Variants in GLP2R observed in about 807,000 individuals in gnomAD.
GLP2R encodes glucagon like peptide 2 receptor.
GLP2R carries 59 observed loss-of-function variants against 68.2 expected under a neutral mutation model. The ratio of observed to expected loss-of-function variants is 0.87; its 90% CI spans 0.70 to 1.07. The LOEUF is 1.07. Among genes scored for constraint, GLP2R ranks in the 50% least tolerant of loss-of-function variants. GLP2R has a pLI of 0.00. For synonymous variants in GLP2R, 270 were observed against 265.4 expected (o/e 1.02, Z -0.17); for missense variants, 548 against 677.4 (o/e 0.81, Z 2.12).
intron 11 of GLP2R, among the ~76,000 whole-genome samples, chr17:9,885,207 G>A (rs181566145): frequency 7.5e-4 from 111 of 148,950 alleles, no homozygotes; most frequent in African/African-American, 2.4e-3. Context: ...TTATCATTTT[G>A]AGATGGAGTT....
At chr17:9,874,591 G>C (rs540662255) in intron 10 of GLP2R, among the ~76,000 whole-genome samples, 242 of 152,210 alleles carry the variant, frequency 1.6e-3, no homozygotes, top group Non-Finnish European at 2.9e-3. Flanking sequence ...CCACCACCTG[G>C]GTATAGTACA....
At chr17:9,865,727 C>G in intron 9 of GLP2R, 1 of 447,422 alleles carries the variant, frequency 2.2e-6, no homozygotes, top group Non-Finnish European at 4.6e-6. Context: ...CCCTCCACCC[C>G]CCTGCAATTA....
Position 9,880,706 on chromosome 17 carries a change from G to T in GLP2R, c.1284+190G>T, listed in dbSNP as rs537600047. ...AGTATTGCGTTGATCCTGCCAGCATGATTCAGTGACTAAGAAGGGGGAAAT... is the reference window on the plus strand; with the variant it reads ...AGTATTGCGTTGATCCTGCCAGCATTATTCAGTGACTAAGAAGGGGGAAAT... On this transcript the variant is annotated intron_variant, in intron 11 of 12. Coordinates refer to ENST00000262441, the MANE Select transcript of GLP2R (RefSeq NM_004246.3). Among the ~76,000 whole-genome samples, 63 of 152,338 alleles carry T rather than the reference G, an allele frequency of 4.1e-4. 1 individual carries two copies. The highest frequency in any genetic ancestry group is 1.4e-3 in the African/African-American group (59 of 41,570).
At chr17:9,880,335 C>T in intron 10 of GLP2R, 43 bp from the exon 11 acceptor site, 1 of 1,362,694 alleles carries the variant, frequency 7.3e-7, no homozygotes, top group South Asian at 1.3e-5. Context: ...GTTGCTTGTT[C>T]CCCATGTGGC....
At chr17:9,884,067 T>C (rs1173409782) in intron 11 of GLP2R, among the ~76,000 whole-genome samples, 1 of 152,154 alleles carries the variant, frequency 6.6e-6, no homozygotes, top group African/African-American at 2.4e-5. Flanking sequence ...AAAGATCTAA[T>C]ATATATGACA....
At chr17:9,880,731 T>A (rs2067187640) in intron 11 of GLP2R, among the ~76,000 whole-genome samples, 1 of 152,104 alleles carries the variant, frequency 6.6e-6, no homozygotes, top group Admixed American at 6.5e-5. Flanking sequence ...AAGGGGGAAA[T>A]GGTCTCTTTC....
intron 1 of GLP2R, among the ~76,000 whole-genome samples, chr17:9,827,960 CAAA>C (rs368157136): frequency 6.8e-5 from 5 of 73,886 alleles, no homozygotes; most frequent in Non-Finnish European, 9.0e-5. Context: ...GGATCTGTCT[CAAA>C]AAAAAAAAAA....
chr17:9,867,172 C>T (rs907741379), intron 9 of GLP2R, among the ~76,000 whole-genome samples: 2 of 152,168 alleles, frequency 1.3e-5, no homozygotes, highest in African/African-American at 4.8e-5. Flanking sequence ...TCAGAGGCTT[C>T]TGAGGAAAAG....
chr17:9,883,581 A>T (rs7215261), intron 11 of GLP2R, among the ~76,000 whole-genome samples: 9,191 of 152,268 alleles, frequency 0.06, 931 homozygotes, highest in African/African-American at 0.21. Flanking sequence ...TTGAAAGCCA[A>T]AAATGAAGAG....
chr17:9,860,362 C>T (rs940089442), intron 7 of GLP2R, among the ~76,000 whole-genome samples: 2 of 152,158 alleles, frequency 1.3e-5, no homozygotes, highest in Non-Finnish European at 2.9e-5. Flanking sequence ...ATTCCTCCTA[C>T]CCTGTCCCCA....
chr17:9,884,552 G>A (rs2067225152), intron 11 of GLP2R, among the ~76,000 whole-genome samples: 1 of 152,066 alleles, frequency 6.6e-6, no homozygotes, highest in Admixed American at 6.6e-5. Context: ...CTGATATATT[G>A]GAGCAATATA....
At chr17:9,859,088 A>C (rs2066960228) in intron 6 of GLP2R, among the ~76,000 whole-genome samples, 1 of 152,142 alleles carries the variant, frequency 6.6e-6, no homozygotes. Flanking sequence ...CTTTTTTAAA[A>C]AATGCACTTA....
At chr17:9,841,689 C>T (rs908551230) in intron 3 of GLP2R, among the ~76,000 whole-genome samples, 2 of 152,282 alleles carry the variant, frequency 1.3e-5, no homozygotes, top group South Asian at 4.1e-4. Flanking sequence ...GTCAATTAGA[C>T]ACCCTACCTA....
chr17:9,889,611 G>A lies in GLP2R; in HGVS notation c.1568G>A (p.Arg523His), dbSNP rs16958918. ...GCCCAGCCCCAACAGGACCATGCAC[G>A]CTGGCCCCGGGGCAGCAGCCTGTCC... The part of the protein sequence containing the change: ...LGAQPQQDHA[R>H]WPRGSSLSEC... Residue 523 changes from arginine to histidine, a missense_variant, in exon 13 of 13, where the codon CGC (arginine) becomes CAC (histidine). Arg to His is a conservative substitution (Grantham distance 29). Coordinates refer to ENST00000262441, the MANE Select transcript of GLP2R (RefSeq NM_004246.3). The A allele has an allele frequency of 2.7e-3, 4,388 of 1,613,724 alleles. 116 individuals are homozygous for A. The African/African-American group carries it at 0.052, about 19-fold the overall frequency.
At chr17:9,869,407 C>A (rs960596643) in intron 9 of GLP2R, among the ~76,000 whole-genome samples, 3 of 152,246 alleles carry the variant, frequency 2.0e-5, no homozygotes, top group Non-Finnish European at 4.4e-5. Flanking sequence ...AACGGACCCC[C>A]CTCTCCTGCC....
rs546202420 is a variant in GLP2R, at chr17:9,857,529, T to A, written c.718T>A (p.Ser240Thr). 1 of 1,614,124 alleles carries A rather than the reference T, an allele frequency of 6.2e-7. No homozygotes were observed. Among genetic ancestry groups the A allele is most frequent in the African/African-American group, 1.3e-5 (1 of 75,032 alleles). ...VKDVVFYNSYSKRPDNENGWM... is the reference protein window; with the variant it reads ...VKDVVFYNSYTKRPDNENGWM... ...GGACGTCGTCTTCTACAACTCTTAC[T>A]CCAAGAGGCCTGACAATGAGAATGG... The change falls in exon 6 of 13, where the codon TCC (serine) becomes ACC (threonine). Residue 240 changes from serine (S) to threonine (T), a missense_variant. By Grantham distance (58) the Ser-to-Thr change is moderately conservative (BLOSUM62 1). Transcript: ENST00000262441.
At chr17:9,836,245 G>C in intron 2 of GLP2R, 126 bp from the exon 3 acceptor site, 1 of 669,278 alleles carries the variant, frequency 1.5e-6, no homozygotes. Context: ...CACCCATGCT[G>C]GTTTCTGCAC....
chr17:9,834,185 T>C (rs2066706106), intron 2 of GLP2R, among the ~76,000 whole-genome samples: 1 of 152,142 alleles, frequency 6.6e-6, no homozygotes, highest in Non-Finnish European at 1.5e-5. Context: ...TTGGAAGTCA[T>C]ACAAGATCAC....
chr17:9,864,649 A>C (rs998355247), intron 9 of GLP2R, among the ~76,000 whole-genome samples: 1 of 151,976 alleles, frequency 6.6e-6, no homozygotes, highest in African/African-American at 2.4e-5. Flanking sequence ...CAGCCTCCCT[A>C]GTAGTTGGGA....
Sources: gnomAD v4.1 joint callset for allele counts (sites outside exome capture counted in the v4.1 genomes callset) on GRCh38, gnomAD v4.1.1 for gene constraint, MANE v1.5 for transcripts, NCBI Gene and HGNC (gene_info 2026-07-23, HGNC 2026-07-21) for gene names.